Variants in GDPD5 observed in about 807,000 individuals in gnomAD.
GDPD5 encodes glycerophosphodiester phosphodiesterase 2.
Under a neutral mutation model 75.1 loss-of-function variants are expected in GDPD5, and 48 were observed. The observed-to-expected ratio is 0.64, with a 90% CI of 0.51 to 0.81. The LOEUF (loss-of-function observed/expected upper bound fraction) is 0.81, where lower values mean the gene tolerates loss of function less well. Ranked by LOEUF, GDPD5 falls within the 40% of genes least tolerant of loss-of-function variation. The pLI, the probability that GDPD5 is intolerant of heterozygous loss-of-function variation, is 0.00. For missense variants in GDPD5, 706 were observed against 822.6 expected (o/e 0.86, Z 1.73); for synonymous variants, 336 against 339.0 (o/e 0.99, Z 0.10).
At chr11:75,512,029 T>C (rs1381728987) in intron 1 of GDPD5, among the ~76,000 whole-genome samples, 4 of 152,186 alleles carry the variant, frequency 2.6e-5, no homozygotes, top group Non-Finnish European at 5.9e-5. Flanking sequence ...ATTATTTTAC[T>C]GCATGCATGG....
chr11:75,506,072 C>T lies in GDPD5; in HGVS notation c.-144-15752G>A, dbSNP rs143037109. On this transcript the variant is annotated intron_variant, in intron 1 of 16. Coordinates refer to ENST00000336898, the MANE Select transcript of GDPD5 (RefSeq NM_030792.8). ...TCATCTGCATCATGGGGATAAGGACCCTTCCCAGAGCCCCTTGGGAGGGTC... is the reference window on the plus strand; with the variant it reads ...TCATCTGCATCATGGGGATAAGGACTCTTCCCAGAGCCCCTTGGGAGGGTC... 4.2e-3 allele frequency among the ~76,000 whole-genome samples: 635 copies of T among 152,298 alleles called. 2 individuals are homozygous for T. The highest frequency in any genetic ancestry group is 0.014 in the African/African-American group (579 of 41,566).
At chr11:75,498,997 C>T (rs1362700834) in intron 1 of GDPD5, among the ~76,000 whole-genome samples, 2 of 152,154 alleles carry the variant, frequency 1.3e-5, no homozygotes, top group Non-Finnish European at 2.9e-5. Flanking sequence ...TGCTTCTCCT[C>T]CTTCTCTTTC....
At chr11:75,462,743 C>G in intron 4 of GDPD5, 43 bp downstream of exon 4, 1 of 1,491,090 alleles carries the variant, frequency 6.7e-7, no homozygotes, top group East Asian at 2.3e-5. Flanking sequence ...ACTGGATACC[C>G]AGCTCTGGGC....
intron 15 of GDPD5, among the ~76,000 whole-genome samples, chr11:75,439,090 A>G (rs988803433): frequency 6.6e-6 from 1 of 152,198 alleles, no homozygotes; most frequent in African/African-American, 2.4e-5. Context: ...GGAAGCTGTC[A>G]AGGAAACGCT....
rs1255872410 is a variant in GDPD5, at chr11:75,477,637, G to T, written c.99C>A (p.Ser33=). 1 of 1,593,256 alleles carries T rather than the reference G, an allele frequency of 6.3e-7. No homozygotes were observed. Among genetic ancestry groups the T allele is most frequent in the South Asian group, 1.1e-5 (1 of 89,198 alleles). ...YGCRWKRYQR[S]HDDTTPWERL... ...GGCTCACCGGTGTGGTATCATCATG[G>T]GAGCGCTGGTAGCGCTTCCAACGGC... Residue 33 remains serine (S), a synonymous_variant, in exon 3 of 17, where the codon TCC becomes TCA. Coordinates refer to ENST00000336898, the MANE Select transcript of GDPD5 (RefSeq NM_030792.8).
intron 5 of GDPD5, among the ~76,000 whole-genome samples, chr11:75,457,056 G>A (rs570534440): frequency 1.3e-4 from 20 of 152,342 alleles, no homozygotes; most frequent in Admixed American, 3.9e-4. Context: ...GTGATTCCCC[G>A]TCAAGAGGTC....
rs373740787 is a variant in GDPD5, at chr11:75,457,803, G to C, written c.222-17C>G. On this transcript the variant is annotated splice_polypyrimidine_tract_variant and intron_variant, in intron 4 of 16. Coordinates refer to ENST00000336898, the MANE Select transcript of GDPD5 (RefSeq NM_030792.8). ...TAGAGGTACCTGCCAGGAGGAGAGG[G>C]GGCAGGGGTCAGACCTCCACCAGGC... 16 of 1,604,072 alleles carry C rather than the reference G, an allele frequency of 1.0e-5. No homozygotes were observed. The highest frequency in any genetic ancestry group is 1.7e-4 in the Middle Eastern group (1 of 6,028).
intron 13 of GDPD5, 99 bp downstream of exon 13, chr11:75,441,547 T>C: frequency 6.2e-6 from 3 of 487,650 alleles, no homozygotes; most frequent in Non-Finnish European, 6.2e-6. Flanking sequence ...CCCGACCGTG[T>C]GTGTGTGTGT....
Position 75,493,227 on chromosome 11 carries a change from T to TCACACACACACACA in GDPD5, c.-144-2908_-144-2907insTGTGTGTGTGTGTG, listed in dbSNP as rs780201140. 6.0e-4 allele frequency among the ~76,000 whole-genome samples: 38 copies of TCACACACACACACA among 63,290 alleles called. 1 individual carries two copies. The highest frequency in any genetic ancestry group is 2.0e-3 in the African/African-American group (37 of 18,854). The allele number at this position is 63,290 out of a possible 152,430, so 41.5% of individuals were successfully genotyped here. On this transcript the variant is annotated intron_variant, in intron 1 of 16. Coordinates refer to ENST00000336898, the MANE Select transcript of GDPD5 (RefSeq NM_030792.8). ...GACAGGGAAAAGGGGCCCCCACACA[T>TCACACACACACACA]CTCACACACACACACACACACACAC...
Position 75,449,000 on chromosome 11 carries a change from T to G in GDPD5, c.691A>C (p.Ile231Leu), listed in dbSNP as rs1379749275. Reference sequence around the variant, plus strand: ...ACCATGGGGGCCCCGCGGTGGCCAATGAGAGCAGGCTTGGGGCCGAGGTCT... The same window carrying G: ...ACCATGGGGGCCCCGCGGTGGCCAAGGAGAGCAGGCTTGGGGCCGAGGTCT... ...KKDLGPKPAL[I>L]GHRGAPMLAP... Residue 231 changes from isoleucine to leucine, a missense_variant, in exon 9 of 17, where the codon ATT becomes CTT. Ile to Leu is a conservative substitution (Grantham distance 5, BLOSUM62 2). Transcript: ENST00000336898. 1 of 1,582,178 alleles carries G rather than the reference T, an allele frequency of 6.3e-7. No individual in the cohort carries two copies. Among genetic ancestry groups the G allele is most frequent in the South Asian group, 1.2e-5 (1 of 84,914 alleles).
intron 10 of GDPD5, among the ~76,000 whole-genome samples, chr11:75,444,161 C>T (rs1160359876): frequency 1.3e-5 from 2 of 152,166 alleles, no homozygotes; most frequent in Non-Finnish European, 2.9e-5. Flanking sequence ...AGTGTTGTAG[C>T]TCTATCATCT....
intron 1 of GDPD5, among the ~76,000 whole-genome samples, chr11:75,506,388 G>C (rs1453849195): frequency 6.6e-6 from 1 of 152,142 alleles, no homozygotes; most frequent in Admixed American, 6.5e-5. Context: ...AGCAACCCCG[G>C]GGAAGTCCAG....
chr11:75,462,970 C>T (rs1194026762), intron 3 of GDPD5, 81 bp from the exon 4 acceptor site: 1 of 1,123,922 alleles, frequency 8.9e-7, no homozygotes, highest in Non-Finnish European at 1.3e-6. Context: ...GTGTCCTCCT[C>T]CCTCCCACTT....
chr11:75,441,312 T>G lies in GDPD5; in HGVS notation c.1326-2A>C. The G allele has an allele frequency of 6.2e-7, 1 of 1,614,118 alleles. No individual in the cohort carries two copies. The highest frequency in any genetic ancestry group is 8.5e-7 in the Non-Finnish European group (1 of 1,180,018). Reference sequence around the variant, plus strand: ...CTCAGGTTCCAGGACGCGTAGTCCCTGTGGGGCAGGGGAGAGGCAGGTCAG... The same window carrying G: ...CTCAGGTTCCAGGACGCGTAGTCCCGGTGGGGCAGGGGAGAGGCAGGTCAG... On this transcript the variant is annotated splice_acceptor_variant, in intron 13 of 16. Transcript: ENST00000336898. LOFTEE classifies it high-confidence loss of function.
Position 75,499,819 on chromosome 11 carries a change from A to G in GDPD5, c.-144-9499T>C, listed in dbSNP as rs933991201. Among the ~76,000 whole-genome samples, 3 of 152,158 alleles carry G rather than the reference A, an allele frequency of 2.0e-5. No homozygotes were observed. The South Asian group carries it at 6.2e-4, about 32-fold the overall frequency. On this transcript the variant is annotated intron_variant, in intron 1 of 16. Transcript: ENST00000336898. ...TAGGCCTTTCTTGTTTGCAGTGTCT[A>G]CGAAACAGCTTTGGTGAGCACTGAA... is the stretch of plus-strand genomic sequence containing the variant.
intron 1 of GDPD5, among the ~76,000 whole-genome samples, chr11:75,507,840 T>C (rs1416997811): frequency 6.6e-6 from 1 of 152,168 alleles, no homozygotes; most frequent in Non-Finnish European, 1.5e-5. Context: ...TACACACGCA[T>C]TGACCATCAC....
At chr11:75,487,754 GA>G (rs908644450) in intron 2 of GDPD5, among the ~76,000 whole-genome samples, 16 of 152,180 alleles carry the variant, frequency 1.1e-4, no homozygotes, top group African/African-American at 3.9e-4. Flanking sequence ...GTACAGAAAG[GA>G]CTTCTCTTTC....
chr11:75,455,064 G>A (rs1441196687), intron 6 of GDPD5: 2 of 288,100 alleles, frequency 6.9e-6, no homozygotes, highest in Non-Finnish European at 1.4e-5. Context: ...CACATAGGGG[G>A]CAGAGGGCAG....
intron 1 of GDPD5, among the ~76,000 whole-genome samples, chr11:75,505,557 C>A (rs577472388): frequency 6.6e-6 from 1 of 152,162 alleles, no homozygotes; most frequent in Non-Finnish European, 1.5e-5. Flanking sequence ...AATTCTCACA[C>A]TGGGAATAAT....
Sources: allele counts gnomAD v4.1 joint callset (sites outside exome capture counted in the v4.1 genomes callset), GRCh38; gene constraint gnomAD v4.1.1; transcripts MANE v1.5; gene names NCBI Gene and HGNC (gene_info 2026-07-23, HGNC 2026-07-21).